TXK: variants seen among roughly 807,000 people sequenced by gnomAD.
TXK encodes tyrosine-protein kinase TXK.
TXK carries 60 observed loss-of-function variants against 81.0 expected under a neutral mutation model. The ratio of observed to expected loss-of-function variants is 0.74; its 90% CI spans 0.60 to 0.92. TXK has a LOEUF of 0.92. Among genes scored for constraint, TXK ranks in the 40% least tolerant of loss-of-function variants. The pLI, the probability that TXK is intolerant of heterozygous loss-of-function variation, is 0.00. For synonymous variants in TXK, 203 were observed against 210.7 expected, an observed-to-expected ratio of 0.96 and a Z score of 0.32; for missense variants, 581 against 638.3, an observed-to-expected ratio of 0.91 and a Z score of 0.97.
chr4:48,115,256 T>C (rs1416744307), intron 1 of TXK, among the ~76,000 whole-genome samples: 3 of 152,130 alleles, frequency 2.0e-5, no homozygotes, highest in Non-Finnish European at 4.4e-5. Context: ...TGTGTCCATA[T>C]ATTCTCATTG....
intron 3 of TXK, among the ~76,000 whole-genome samples, 196 bp from the exon 4 acceptor site, chr4:48,112,708 G>C (rs1368800342): frequency 2.0e-5 from 3 of 152,074 alleles, no homozygotes; most frequent in Non-Finnish European, 4.4e-5. Context: ...TCATCATTTT[G>C]TACACTTTTG....
chr4:48,074,728 C>T (rs1372295155), intron 12 of TXK, among the ~76,000 whole-genome samples: 1 of 152,088 alleles, frequency 6.6e-6, no homozygotes, highest in East Asian at 1.9e-4. Flanking sequence ...CTTGTTGCCC[C>T]TTAAATATAC....
At chr4:48,122,450 CCT>C (rs1476359238) in intron 1 of TXK, among the ~76,000 whole-genome samples, 7 of 152,200 alleles carry the variant, frequency 4.6e-5, no homozygotes, top group Middle Eastern at 3.2e-3. Context: ...TGAATAGCCC[CCT>C]GATTTGACAT....
chr4:48,099,829 A>G (rs1372652266), intron 6 of TXK, among the ~76,000 whole-genome samples: 1 of 152,230 alleles, frequency 6.6e-6, no homozygotes, highest in Non-Finnish European at 1.5e-5. Context: ...AGAAAACAAT[A>G]AAGTCAGATC....
intron 6 of TXK, among the ~76,000 whole-genome samples, chr4:48,096,148 A>G (rs1360548055): frequency 1.3e-5 from 2 of 152,236 alleles, no homozygotes; most frequent in Non-Finnish European, 2.9e-5. Flanking sequence ...TCACCCAGAT[A>G]TAAGCCTTAT....
At chr4:48,105,327 AC>A (rs1718417899) in intron 5 of TXK, among the ~76,000 whole-genome samples, 1 of 152,164 alleles carries the variant, frequency 6.6e-6, no homozygotes, top group Non-Finnish European at 1.5e-5. Flanking sequence ...CCTCTCAGAA[AC>A]TTCCTATTTA....
At chr4:48,112,039 G>A (rs898432126) in intron 4 of TXK, among the ~76,000 whole-genome samples, 2 of 152,150 alleles carry the variant, frequency 1.3e-5, no homozygotes, top group African/African-American at 4.8e-5. Context: ...TATTTCCATT[G>A]TACAAATAAA....
intron 6 of TXK, among the ~76,000 whole-genome samples, chr4:48,096,809 G>A (rs1019309410): frequency 3.3e-5 from 5 of 152,172 alleles, no homozygotes; most frequent in East Asian, 3.9e-4. Context: ...GATTACAGGC[G>A]TGAGCCACCA....
chr4:48,126,884 C>A (rs1302432289), intron 1 of TXK, among the ~76,000 whole-genome samples: 1 of 152,180 alleles, frequency 6.6e-6, no homozygotes, highest in African/African-American at 2.4e-5. Flanking sequence ...CCTCCCCCAG[C>A]TCCCTGACCT....
intron 8 of TXK, among the ~76,000 whole-genome samples, chr4:48,090,638 C>G (rs746717791): frequency 1.3e-5 from 2 of 152,076 alleles, no homozygotes; most frequent in Non-Finnish European, 1.5e-5. Flanking sequence ...TAAAAGCTTT[C>G]AATAAAACAC....
At chr4:48,122,750 A>C (rs968150120) in intron 1 of TXK, among the ~76,000 whole-genome samples, 2 of 152,264 alleles carry the variant, frequency 1.3e-5, no homozygotes, top group African/African-American at 2.4e-5. Context: ...CAAAATTATA[A>C]GCTTGCTCAG....
chr4:48,087,590 C>T (rs549542287), intron 9 of TXK, among the ~76,000 whole-genome samples: 1 of 152,092 alleles, frequency 6.6e-6, no homozygotes, highest in Non-Finnish European at 1.5e-5. Flanking sequence ...CACGCCATCA[C>T]GCCTTGATAA....
chr4:48,106,388 G>GT (rs34666709), intron 5 of TXK, among the ~76,000 whole-genome samples: 44,335 of 146,862 alleles, frequency 0.3, 9,967 homozygotes, highest in African/African-American at 0.63. Context: ...AGTTAGAAGG[G>GT]TTTTTTTTTT....
intron 1 of TXK, among the ~76,000 whole-genome samples, chr4:48,127,965 A>G (rs190818506): frequency 1.3e-5 from 2 of 152,306 alleles, no homozygotes; most frequent in Admixed American, 1.3e-4. Context: ...GGGCACTGGA[A>G]GAAAGCAAAA....
intron 10 of TXK, among the ~76,000 whole-genome samples, chr4:48,082,348 G>T (rs531303324): frequency 2.2e-4 from 34 of 152,230 alleles, no homozygotes; most frequent in Admixed American, 1.6e-3. Flanking sequence ...GACTCTTTAA[G>T]TCTACTAAGA....
At chr4:48,094,533 T>C (rs1231815350) in intron 7 of TXK, among the ~76,000 whole-genome samples, 2 of 152,160 alleles carry the variant, frequency 1.3e-5, no homozygotes, top group Non-Finnish European at 2.9e-5. Flanking sequence ...CTGTAAGCAA[T>C]TGGAGATGGG....
chr4:48,067,813 G>T, intron 14 of TXK, 108 bp from the exon 15 acceptor site: 1 of 1,067,606 alleles, frequency 9.4e-7, no homozygotes, highest in Non-Finnish European at 1.4e-6. Flanking sequence ...CACTGCTCGA[G>T]GTCATCGCCA....
intron 1 of TXK, among the ~76,000 whole-genome samples, chr4:48,116,644 A>G (rs997536727): frequency 5.9e-5 from 9 of 152,182 alleles, no homozygotes; most frequent in African/African-American, 9.7e-5. Context: ...CATCCATCCA[A>G]GGACACAGAC....
chr4:48,071,411 T>A (rs1577644316), intron 14 of TXK, 106 bp downstream of exon 14: 2 of 1,107,516 alleles, frequency 1.8e-6, no homozygotes, highest in Non-Finnish European at 2.6e-6. Flanking sequence ...AAGACACAGA[T>A]GCCTTTTCCT....
Sources: allele counts gnomAD v4.1 joint callset (sites outside exome capture counted in the v4.1 genomes callset), GRCh38; gene constraint gnomAD v4.1.1; transcripts MANE v1.5; gene names NCBI Gene and HGNC (gene_info 2026-07-23, HGNC 2026-07-21).